PBXIP1: variants seen among roughly 807,000 people sequenced by gnomAD.
The protein encoded by PBXIP1 is PBX homeobox interacting protein 1.
A neutral mutation model predicts 73.7 loss-of-function variants in PBXIP1; 73 were observed. The observed-to-expected ratio is 0.99, with a 90% CI of 0.82 to 1.20. The LOEUF (loss-of-function observed/expected upper bound fraction) is 1.20. PBXIP1 is among the 50% of genes most tolerant of loss of function. PBXIP1 has a pLI of 0.00. For missense variants in PBXIP1, 818 were observed against 911.4 expected (o/e 0.90, Z 1.32); for synonymous variants, 330 against 366.9 (o/e 0.90, Z 1.15).
chr1:154,945,601 G>C lies in PBXIP1; in HGVS notation c.2073C>G (p.His691Gln). The C allele has an allele frequency of 1.2e-6, 2 of 1,613,928 alleles. No homozygotes were observed. Among genetic ancestry groups the C allele is most frequent in the South Asian group, 1.1e-5 (1 of 91,086 alleles). ...TCTTCAGTGCTTTGTCTCCAAAGAAGTGGCTGAAGATGAAGTCCTCAAAGT... is the reference window on the plus strand; with the variant it reads ...TCTTCAGTGCTTTGTCTCCAAAGAACTGGCTGAAGATGAAGTCCTCAAAGT... ...VDDFEDFIFS[H>Q]FFGDKALKKR... Residue 691 changes from histidine to glutamine, a missense_variant, in exon 10 of 11, where the codon CAC becomes CAG. Transcript: ENST00000368463.
In PBXIP1 at chr1:154,946,735, G is replaced by A. The variant is rs1479577658; in HGVS notation, c.939C>T (p.Leu313=). 6.2e-7 allele frequency: 1 copy of A among 1,603,252 alleles called. No homozygotes were observed. The highest frequency in any genetic ancestry group is 2.2e-5 in the East Asian group (1 of 44,614). ...CTTCGCCCTGCTGCAGAGCCCCCCGGAGCTGGGCATTCTCCTCCTCTAGCC... is the reference window on the plus strand; with the variant it reads ...CTTCGCCCTGCTGCAGAGCCCCCCGAAGCTGGGCATTCTCCTCCTCTAGCC... ...PKGLEEENAQ[L]RGALQQGEAF... The change falls in exon 10 of 11, where the codon CTC becomes CTT. Residue 313 remains leucine (L), a synonymous_variant. Coordinates refer to ENST00000368463, the MANE Select transcript of PBXIP1 (RefSeq NM_020524.4).
At position 154,951,269 on chromosome 1, in the gene PBXIP1, C is replaced by T. The variant is rs1219319198; in HGVS notation, c.372G>A (p.Gln124=). The T allele has an allele frequency of 1.2e-6, 2 of 1,614,122 alleles. No individual in the cohort carries two copies. Among genetic ancestry groups the T allele is most frequent in the South Asian group, 2.2e-5 (2 of 91,080 alleles). ...TTGAAGGCAGGCTCTGTGGAGGGCT[C>T]TGGCCTTCCAGGTCCTGTGTGTCTG... ...LGPDTQDLEG[Q]SPPQSLPSTP... Residue 124 remains glutamine (Q), a synonymous_variant, in exon 5 of 11, where the codon CAG becomes CAA. Coordinates refer to ENST00000368463, the MANE Select transcript of PBXIP1 (RefSeq NM_020524.4). This position sits in a 1 kb window ranked among gnomAD's most constrained non-coding sequence, Gnocchi z 4.3.
At position 154,953,626 on chromosome 1, in the gene PBXIP1, A is replaced by AC. The variant is rs750490872; in HGVS notation, c.51+44dup. 5 of 1,327,062 alleles carry AC rather than the reference A, an allele frequency of 3.8e-6. No individual in the cohort carries two copies. In the East Asian group the frequency reaches 1.2e-4, roughly 31 times the overall value. 82.2% of individuals were successfully genotyped at this position (1,327,062 alleles called of 1,614,324 possible). On this transcript the variant is annotated intron_variant, in intron 2 of 10. Transcript: ENST00000368463. ...GAAAGAAGCCCAGCACTGCAGAAAC[A>AC]CCCCCCAACCCCACCCCCATGGTTC...
At position 154,945,123 on chromosome 1, in the gene PBXIP1, G is replaced by A. The variant is rs749421293; in HGVS notation, c.2103-6C>T. On this transcript the variant is annotated splice_region_variant and splice_polypyrimidine_tract_variant and intron_variant, in intron 10 of 10. Coordinates refer to ENST00000368463, the MANE Select transcript of PBXIP1 (RefSeq NM_020524.4). ...GCTTGTCCTTCTTCCCTGACCTGTG[G>A]GGAGGAAGAGGCCTTTAGGGGACAA... 17 of 1,608,310 alleles carry A rather than the reference G, an allele frequency of 1.1e-5. No individual in the cohort carries two copies. The South Asian group carries it at 1.8e-4, about 17-fold the overall frequency.
rs1374125884 is a variant in PBXIP1, at chr1:154,947,229, C to T, written c.870+188G>A. On this transcript the variant is annotated intron_variant, in intron 9 of 10. Transcript: ENST00000368463. Reference sequence around the variant, plus strand: ...CATGTACCATGTGGAACAGGTATGCCAGCCCTGGCCCAAACCTTAGCACAA... The same window carrying T: ...CATGTACCATGTGGAACAGGTATGCTAGCCCTGGCCCAAACCTTAGCACAA... 9.0e-6 allele frequency: 6 copies of T among 668,308 alleles called. No individual in the cohort carries two copies. In the Admixed American group the frequency reaches 1.5e-4, roughly 17 times the overall value. 41.4% of individuals were successfully genotyped at this position (668,308 alleles called of 1,614,324 possible). A position where few individuals can be genotyped will look rare whatever the true frequency, so the allele number is the denominator to read the frequency against.
At chr1:154,948,694 C>T (rs761237309) in intron 5 of PBXIP1, among the ~76,000 whole-genome samples, 1 of 152,292 alleles carries the variant, frequency 6.6e-6, no homozygotes, top group South Asian at 2.1e-4. Context: ...AACTCTCTGG[C>T]CACTCCTTCC....
chr1:154,949,832 A>T (rs1362724917), intron 5 of PBXIP1, among the ~76,000 whole-genome samples: 2 of 151,732 alleles, frequency 1.3e-5, no homozygotes, highest in Non-Finnish European at 2.9e-5. Context: ...GAGGGTCAGG[A>T]TGTGTGGGTA....
chr1:154,945,927 G>A lies in PBXIP1; in HGVS notation c.1747C>T (p.Arg583Trp), dbSNP rs564342820. 134 of 1,614,188 alleles carry A rather than the reference G, an allele frequency of 8.3e-5. No individual in the cohort carries two copies. The East Asian group carries it at 2.2e-3, about 26-fold the overall frequency. ...ACACCTGAGCAGCCCTGGGGTGCCCGGTACTTGGGCCTCAACAGCTCTGCC... is the reference window on the plus strand; with the variant it reads ...ACACCTGAGCAGCCCTGGGGTGCCCAGTACTTGGGCCTCAACAGCTCTGCC... ...SWAELLRPKY[R>W]APQGCSGVDE... Residue 583 changes from arginine (R) to tryptophan (W), a missense_variant, in exon 10 of 11, where the codon CGG (arginine) becomes TGG (tryptophan). Physicochemically the swap from Arg to Trp is moderately radical, Grantham distance 101. Coordinates refer to ENST00000368463, the MANE Select transcript of PBXIP1 (RefSeq NM_020524.4).
Position 154,946,481 on chromosome 1 carries a change from A to G in PBXIP1, c.1193T>C (p.Leu398Ser), listed in dbSNP as rs1326239413. 1 of 1,608,692 alleles carries G rather than the reference A, an allele frequency of 6.2e-7. No individual in the cohort carries two copies. The highest frequency in any genetic ancestry group is 1.1e-5 in the South Asian group (1 of 91,084). The change falls in exon 10 of 11, where the codon TTA (leucine) becomes TCA (serine). Residue 398 changes from leucine (L) to serine (S), a missense_variant. Coordinates refer to ENST00000368463, the MANE Select transcript of PBXIP1 (RefSeq NM_020524.4). ...CCCCAGCAGCCGTCGCTGCCTCTCT[A>G]ACTCTTGCCTTAATGCCTGTGCCTC... ...EAEAQALRQE[L>S]ERQRRLLGSV... is the part of the protein sequence containing the mutation.
rs1205020008 is a variant in PBXIP1, at chr1:154,951,808, G to A, written c.165C>T (p.Thr55=). The change falls in exon 3 of 11, where the codon ACC becomes ACT. Residue 55 remains threonine (T), a synonymous_variant. Coordinates refer to ENST00000368463, the MANE Select transcript of PBXIP1 (RefSeq NM_020524.4). This position sits in a 1 kb window ranked among gnomAD's most constrained non-coding sequence, Gnocchi z 4.3. ...SKTDGKELAG[T]MDGEGTLFQT... ...AGGGCCCAGTACCTTCTCCATCCATGGTCCCAGCTAATTCTTTCCCATCTG... is the reference window on the plus strand; with the variant it reads ...AGGGCCCAGTACCTTCTCCATCCATAGTCCCAGCTAATTCTTTCCCATCTG... The A allele has an allele frequency of 2.5e-6, 4 of 1,613,808 alleles. No homozygotes were observed. Among genetic ancestry groups the A allele is most frequent in the African/African-American group, 1.3e-5 (1 of 74,902 alleles).
rs772598133 is a variant in PBXIP1, at chr1:154,947,664, AG to A, written c.715del (p.Leu239TrpfsTer11). ...TACCTGCCTGTCCCCCACAGCTTCC[AG>A]CACCTCGGGGTCTGGGAGGACCTGC... ...ERQVLPDPEV[L>X]EAVGDRQDGL... On this transcript the variant is annotated frameshift_variant, in exon 8 of 11. Transcript: ENST00000368463. LOFTEE classifies it high-confidence loss of function. 1.9e-6 allele frequency: 3 copies of A among 1,613,776 alleles called. No homozygotes were observed. The Admixed American group carries it at 5.0e-5, about 27-fold the overall frequency.
chr1:154,945,358 C>A (rs1347024024), intron 10 of PBXIP1, among the ~76,000 whole-genome samples: 1 of 152,144 alleles, frequency 6.6e-6, no homozygotes, highest in East Asian at 1.9e-4. Flanking sequence ...AGAAAGAATC[C>A]CCCTGCCCAA....
Position 154,948,986 on chromosome 1 carries a change from G to A in PBXIP1, c.410-620C>T, listed in dbSNP as rs1654924021. Among the ~76,000 whole-genome samples the A allele has an allele frequency of 2.0e-5, 3 of 152,192 alleles. No homozygotes were observed. In the South Asian group the frequency reaches 6.2e-4, roughly 32 times the overall value. ...TTTCTGGTGTTTCCCCAATTCAGGG[G>A]AAGGCACTGCTTCCACCATCTAGCT... is the stretch of plus-strand genomic sequence containing the variant. On this transcript the variant is annotated intron_variant, in intron 5 of 10. Coordinates refer to ENST00000368463, the MANE Select transcript of PBXIP1 (RefSeq NM_020524.4).
chr1:154,953,053 C>T (rs1655060828), intron 2 of PBXIP1, among the ~76,000 whole-genome samples: 1 of 152,198 alleles, frequency 6.6e-6, no homozygotes, highest in Admixed American at 6.5e-5. Flanking sequence ...TCCTGCCAAC[C>T]CCCTTCTCCC....
At chr1:154,954,915 G>A (rs1655129509) in intron 1 of PBXIP1, 8 of 958,432 alleles carry the variant, frequency 8.3e-6, no homozygotes, top group Non-Finnish European at 9.9e-6. Flanking sequence ...AGAAAACTCA[G>A]GAAAAGGGAA....
In PBXIP1 at chr1:154,948,201, C is replaced by T. The variant is rs1654892896; in HGVS notation, c.575G>A (p.Gly192Asp). The T allele has an allele frequency of 6.2e-7, 1 of 1,609,378 alleles. No homozygotes were observed. Among genetic ancestry groups the T allele is most frequent in the South Asian group, 1.1e-5 (1 of 90,560 alleles). ...AGGEGAGGEL[G>D]ISLNMCLLGA... ...AAGGAGGCACATGTTGAGGGAGATG[C>T]CCAGCTCCCCGCCTGCACCCTCACC... Residue 192 changes from glycine to aspartate, a missense_variant, in exon 6 of 11, where the codon GGC becomes GAC. Transcript: ENST00000368463.
rs1156240455 is a variant in PBXIP1, at chr1:154,946,318, G to C, written c.1356C>G (p.Val452=). The stretch of plus-strand genomic sequence containing the variant: ...GCCAGGCCTTTGAGGCATTGGCAGA[G>C]ACCCCAGGGTCCTGGCCCCAGTTCT... ...GLENWGQDPG[V]SANASKAWHQ... Residue 452 remains valine, a synonymous_variant, in exon 10 of 11, where the codon GTC becomes GTG. Coordinates refer to ENST00000368463, the MANE Select transcript of PBXIP1 (RefSeq NM_020524.4). The C allele has an allele frequency of 6.2e-7, 1 of 1,614,038 alleles. No homozygotes were observed. The highest frequency in any genetic ancestry group is 1.3e-5 in the African/African-American group (1 of 74,908).
chr1:154,946,278 A>G lies in PBXIP1; in HGVS notation c.1396T>C (p.Phe466Leu), dbSNP rs759372832. ...ASKAWHQKSH[F>L]QNSREWSGKE... ...CCACTCCACTCCCTAGAATTCTGGA[A>G]GTGGGACTTCTGGTGCCAGGCCTTT... The change falls in exon 10 of 11, where the codon TTC becomes CTC. Residue 466 changes from phenylalanine (F) to leucine (L), a missense_variant. By Grantham distance (22) the Phe-to-Leu change is conservative. Transcript: ENST00000368463. 6.2e-6 allele frequency: 10 copies of G among 1,614,152 alleles called. No individual in the cohort carries two copies. The South Asian group carries it at 1.1e-4, about 18-fold the overall frequency.
At chr1:154,945,178 G>A in intron 10 of PBXIP1, 61 bp from the exon 11 acceptor site, 1 of 1,267,448 alleles carries the variant, frequency 7.9e-7, no homozygotes, top group East Asian at 2.3e-5. Context: ...GTTCCCCAAG[G>A]AGAGAGGACC....
Sources: allele counts gnomAD v4.1 joint callset (sites outside exome capture counted in the v4.1 genomes callset), GRCh38; gene constraint gnomAD v4.1.1; non-coding constraint Gnocchi (gnomAD v3.1); transcripts MANE v1.5; gene names NCBI Gene and HGNC (gene_info 2026-07-23, HGNC 2026-07-21).